OCA2: variants seen among roughly 807,000 people sequenced by gnomAD.
OCA2 encodes the protein P protein.
A neutral mutation model predicts 100.2 loss-of-function variants in OCA2; 77 were observed. That is an observed-to-expected ratio of 0.77 (90% CI 0.64 to 0.93). The LOEUF (loss-of-function observed/expected upper bound fraction) is 0.93. OCA2 is among the 40% of genes least tolerant of loss of function. OCA2 has a pLI of 0.00. For synonymous variants in OCA2, 432 were observed against 439.2 expected (o/e 0.98, Z 0.21); for missense variants, 1,062 against 1,089.1 (o/e 0.98, Z 0.35).
intron 2 of OCA2, among the ~76,000 whole-genome samples, chr15:28,033,935 G>A (rs533998747): frequency 5.2e-4 from 79 of 152,042 alleles, no homozygotes; most frequent in Non-Finnish European, 9.3e-4. Flanking sequence ...TGAGTGTTAC[G>A]GAGACGGTGA....
intron 13 of OCA2, among the ~76,000 whole-genome samples, chr15:27,984,273 AGCGCAGACCAGT>A (rs2041268766): frequency 6.6e-6 from 1 of 152,032 alleles, no homozygotes. Context: ...CAACTCGCCC[AGCGCAGACCAGT>A]GCCTGGGAGT....
At chr15:28,002,897 G>C (rs1258178580) in intron 9 of OCA2, among the ~76,000 whole-genome samples, 1 of 152,214 alleles carries the variant, frequency 6.6e-6, no homozygotes, top group Non-Finnish European at 1.5e-5. Context: ...CTTCTTTTCA[G>C]GTATTGCCCA....
intron 9 of OCA2, among the ~76,000 whole-genome samples, chr15:28,000,857 G>T (rs1168209147): frequency 6.6e-6 from 1 of 152,214 alleles, no homozygotes; most frequent in African/African-American, 2.4e-5. Flanking sequence ...TACATGAAAA[G>T]GTGCTTAGCA....
chr15:27,719,261 C>T, the OCA2 span, among the ~76,000 whole-genome samples: 2 of 152,188 alleles, frequency 1.3e-5, no homozygotes, highest in African/African-American at 2.4e-5. Flanking sequence ...GCCTTGCAGT[C>T]CTTCTTGCCA....
intron 23 of OCA2, among the ~76,000 whole-genome samples, chr15:27,843,858 G>C (rs1232809372): frequency 6.6e-6 from 1 of 152,144 alleles, no homozygotes; most frequent in Non-Finnish European, 1.5e-5. Context: ...AGGCAGCAGT[G>C]CCTGGTGCAG....
chr15:28,085,172 G>A (rs765947154), intron 1 of OCA2, among the ~76,000 whole-genome samples: 17 of 152,096 alleles, frequency 1.1e-4, no homozygotes, highest in Admixed American at 9.2e-4. Context: ...CCCCAGGTGG[G>A]CCCCAGTACT....
intron 22 of OCA2, among the ~76,000 whole-genome samples, chr15:27,846,657 G>C (rs1210805844): frequency 6.6e-6 from 1 of 152,194 alleles, no homozygotes; most frequent in Non-Finnish European, 1.5e-5. Flanking sequence ...TGATCTGCGA[G>C]GGACCACTTC....
At chr15:27,938,242 T>C (rs1325616677) in intron 18 of OCA2, among the ~76,000 whole-genome samples, 1 of 152,116 alleles carries the variant, frequency 6.6e-6, no homozygotes, top group Non-Finnish European at 1.5e-5. Flanking sequence ...GGGAGGGAAG[T>C]GCATGTAGCT....
At chr15:27,834,941 G>C (rs1009097150) in intron 23 of OCA2, among the ~76,000 whole-genome samples, 3 of 152,128 alleles carry the variant, frequency 2.0e-5, no homozygotes, top group African/African-American at 7.2e-5. Flanking sequence ...GCTCATCTCA[G>C]ACCTAGGACA....
At chr15:27,954,176 T>C (rs2040140661) in intron 17 of OCA2, among the ~76,000 whole-genome samples, 1 of 151,016 alleles carries the variant, frequency 6.6e-6, no homozygotes, top group African/African-American at 2.5e-5. Context: ...GTCATTTCTG[T>C]AAGAATTCTT....
At chr15:28,029,973 T>A (rs1400103191) in intron 3 of OCA2, among the ~76,000 whole-genome samples, 1 of 152,236 alleles carries the variant, frequency 6.6e-6, no homozygotes, top group African/African-American at 2.4e-5. Flanking sequence ...CTGCTCTGCA[T>A]GCCAGAAAAA....
chr15:27,864,754 A>G (rs2036258377), intron 21 of OCA2, among the ~76,000 whole-genome samples: 1 of 152,150 alleles, frequency 6.6e-6, no homozygotes, highest in South Asian at 2.1e-4. Flanking sequence ...TTTAACTTGA[A>G]AGTTGCCTGA....
At chr15:27,875,110 A>G (rs916561094) in intron 19 of OCA2, among the ~76,000 whole-genome samples, 2 of 152,178 alleles carry the variant, frequency 1.3e-5, no homozygotes, top group African/African-American at 4.8e-5. Context: ...GAGAGTCACC[A>G]AAAACAACAA....
At chr15:27,815,143 T>C (rs1382749111) in intron 23 of OCA2, among the ~76,000 whole-genome samples, 1 of 151,874 alleles carries the variant, frequency 6.6e-6, no homozygotes, top group African/African-American at 2.4e-5. Context: ...GATAAGAAAT[T>C]ATTGGAGGAC....
At chr15:27,765,339 G>A (rs980549356) in intron 23 of OCA2, among the ~76,000 whole-genome samples, 4 of 152,090 alleles carry the variant, frequency 2.6e-5, no homozygotes, top group African/African-American at 4.8e-5. Context: ...AACAGGACCC[G>A]TTTAGGATTA....
At chr15:27,997,991 G>A (rs1363337398) in intron 9 of OCA2, among the ~76,000 whole-genome samples, 1 of 132,170 alleles carries the variant, frequency 7.6e-6, no homozygotes, top group Non-Finnish European at 1.7e-5. Context: ...TCTGTTATTG[G>A]TGTATAAGAA....
At chr15:27,805,472 A>C (rs1372048414) in intron 23 of OCA2, among the ~76,000 whole-genome samples, 1 of 152,180 alleles carries the variant, frequency 6.6e-6, no homozygotes, top group Non-Finnish European at 1.5e-5. Flanking sequence ...AACGGAAACC[A>C]ACCCCGAATC....
chr15:27,870,763 CAGAA>C (rs1171228647), intron 21 of OCA2, among the ~76,000 whole-genome samples: 1 of 131,600 alleles, frequency 7.6e-6, no homozygotes, highest in African/African-American at 3.0e-5. Context: ...GAAGGAAAGA[CAGAA>C]AGGAAAGAAA....
At chr15:27,797,986 G>A (rs777122055) in intron 23 of OCA2, among the ~76,000 whole-genome samples, 8 of 152,336 alleles carry the variant, frequency 5.3e-5, no homozygotes, top group African/African-American at 1.7e-4. Flanking sequence ...GCAGCCTGGC[G>A]CCAGGACAGG....
Sources: gnomAD v4.1 joint callset for allele counts (sites outside exome capture counted in the v4.1 genomes callset) on GRCh38, gnomAD v4.1.1 for gene constraint, MANE v1.5 for transcripts, NCBI Gene and HGNC (gene_info 2026-07-23, HGNC 2026-07-21) for gene names.